SLC25A40: variants seen among roughly 807,000 people sequenced by gnomAD.
SLC25A40 encodes the protein mitochondrial glutathione transporter SLC25A40.
A neutral mutation model predicts 46.5 loss-of-function variants in SLC25A40; 41 were observed. That is an observed-to-expected ratio of 0.88 (90% CI 0.69 to 1.14). The LOEUF (loss-of-function observed/expected upper bound fraction) is 1.14, where lower values mean the gene tolerates loss of function less well. Among genes scored for constraint, SLC25A40 ranks in the 50% most tolerant of loss-of-function variants. SLC25A40 has a pLI of 0.00. For missense variants in SLC25A40, 386 were observed against 393.6 expected (o/e 0.98, Z 0.16); for synonymous variants, 126 against 127.5 (o/e 0.99, Z 0.08).
intron 10 of SLC25A40, among the ~76,000 whole-genome samples, chr7:87,839,650 T>C (rs1438081058): frequency 6.6e-6 from 1 of 151,750 alleles, no homozygotes; most frequent in Non-Finnish European, 1.5e-5. Context: ...TACTACATGC[T>C]AACGTGCTTC....
At chr7:87,838,670 TTTTTC>T (rs1361079121) in intron 10 of SLC25A40, among the ~76,000 whole-genome samples, 4 of 151,482 alleles carry the variant, frequency 2.6e-5, no homozygotes, top group Non-Finnish European at 5.9e-5. Context: ...TCATCTTTCT[TTTTTC>T]ATCTTTCTCA....
At chr7:87,836,541 A>T (rs1391151353) in intron 11 of SLC25A40, among the ~76,000 whole-genome samples, 180 bp from the exon 12 acceptor site, 1 of 151,480 alleles carries the variant, frequency 6.6e-6, no homozygotes, top group Non-Finnish European at 1.5e-5. Context: ...ATATTACATT[A>T]TAGAGAAATT....
chr7:87,841,781 C>A, intron 9 of SLC25A40, 67 bp from the exon 10 acceptor site: 2 of 883,158 alleles, frequency 2.3e-6, no homozygotes, highest in Non-Finnish European at 3.3e-6. Context: ...TTTTTACATT[C>A]TTCTTATTAG....
chr7:87,865,176 A>G (rs1390360428), intron 1 of SLC25A40, among the ~76,000 whole-genome samples: 3 of 152,036 alleles, frequency 2.0e-5, no homozygotes, highest in African/African-American at 7.2e-5. Flanking sequence ...TGTATCTACA[A>G]TAAGTTTTTC....
intron 9 of SLC25A40, chr7:87,841,969 A>G: frequency 2.7e-6 from 1 of 372,578 alleles, no homozygotes; most frequent in East Asian, 7.9e-5. Context: ...GCAGAGCCAC[A>G]ATTCCAACCA....
At chr7:87,868,638 G>A (rs981583473) in intron 1 of SLC25A40, among the ~76,000 whole-genome samples, 3 of 152,130 alleles carry the variant, frequency 2.0e-5, no homozygotes, top group Non-Finnish European at 4.4e-5. Context: ...AAATGATATC[G>A]CAAAGGGAAC....
chr7:87,852,255 T>C (rs958211785), intron 5 of SLC25A40, among the ~76,000 whole-genome samples: 5 of 152,020 alleles, frequency 3.3e-5, no homozygotes, highest in Non-Finnish European at 1.5e-5. Context: ...CAAAGGAACT[T>C]TGGGAATAGC....
chr7:87,857,413 C>G (rs929964718), intron 3 of SLC25A40, among the ~76,000 whole-genome samples: 1 of 152,178 alleles, frequency 6.6e-6, no homozygotes, highest in East Asian at 1.9e-4. Context: ...GTGTATTCAC[C>G]GTGAGAATGG....
intron 9 of SLC25A40, chr7:87,841,939 A>G (rs1437488891): frequency 1.8e-5 from 6 of 330,764 alleles, no homozygotes; most frequent in Non-Finnish European, 2.9e-5. Context: ...TACTTTCCTG[A>G]GGTCACACAG....
At chr7:87,874,240 G>A (rs926090168) in intron 1 of SLC25A40, among the ~76,000 whole-genome samples, 1 of 152,144 alleles carries the variant, frequency 6.6e-6, no homozygotes, top group Non-Finnish European at 1.5e-5. Flanking sequence ...CGCATAGGGT[G>A]CAACTATGTT....
In SLC25A40 at chr7:87,835,792, A is replaced by G. The variant is rs535042672; in HGVS notation, c.*457T>C. 6.6e-6 allele frequency: 1 copy of G among 152,482 alleles called. No homozygotes were observed. The highest frequency in any genetic ancestry group is 1.9e-4 in the East Asian group (1 of 5,196). 9.4% of individuals were successfully genotyped at this position (152,482 alleles called of 1,614,324 possible). On this transcript the variant is annotated 3_prime_UTR_variant, in exon 12 of 12. Coordinates refer to ENST00000341119, the MANE Select transcript of SLC25A40 (RefSeq NM_018843.4). ...TTGGTCGATGTAAACAATGCTATTT[A>G]ACGAGTGCTTTATCTACTTTACTGA... is the stretch of plus-strand genomic sequence containing the variant.
At chr7:87,851,744 C>T (rs1838514511) in intron 5 of SLC25A40, among the ~76,000 whole-genome samples, 1 of 152,212 alleles carries the variant, frequency 6.6e-6, no homozygotes, top group African/African-American at 2.4e-5. Context: ...GGAACCTGGA[C>T]TTCTAACGCT....
chr7:87,844,436 C>T (rs187703535), intron 8 of SLC25A40, among the ~76,000 whole-genome samples: 2 of 152,076 alleles, frequency 1.3e-5, no homozygotes, highest in Admixed American at 1.3e-4. Context: ...TGATAAAGAA[C>T]ATGCATCAAA....
intron 1 of SLC25A40, among the ~76,000 whole-genome samples, chr7:87,871,367 G>A (rs1482712210): frequency 6.6e-6 from 1 of 152,158 alleles, no homozygotes; most frequent in African/African-American, 2.4e-5. Context: ...ACAACCCCTA[G>A]TGAGCTTTAA....
chr7:87,833,852 C>T lies in SLC25A40; in HGVS notation c.*2397G>A, dbSNP rs559163056. Reference sequence around the variant, plus strand: ...CTCCACCCTTTGATAGGCCCCAGTACATGTTGTTCCAAGAGGGAAAAATTT... The same window carrying T: ...CTCCACCCTTTGATAGGCCCCAGTATATGTTGTTCCAAGAGGGAAAAATTT... On this transcript the variant is annotated 3_prime_UTR_variant, in exon 12 of 12. Transcript: ENST00000341119. The T allele has an allele frequency of 6.6e-6, 1 of 151,672 alleles. No homozygotes were observed. The highest frequency in any genetic ancestry group is 1.9e-4 in the East Asian group (1 of 5,160). 9.4% of individuals were successfully genotyped at this position (151,672 alleles called of 1,614,324 possible).
chr7:87,872,912 C>T (rs1200813861), intron 1 of SLC25A40, among the ~76,000 whole-genome samples: 1 of 152,206 alleles, frequency 6.6e-6, no homozygotes. Context: ...TTTCCCAGCC[C>T]ACAGTCACCT....
At chr7:87,853,364 A>C (rs945683037) in intron 5 of SLC25A40, among the ~76,000 whole-genome samples, 28 of 152,348 alleles carry the variant, frequency 1.8e-4, no homozygotes, top group African/African-American at 6.7e-4. Context: ...TGGATCAGTC[A>C]CACAGTGCTA....
In SLC25A40 at chr7:87,858,899, G is replaced by A. The variant is rs534300643; in HGVS notation, c.-24-148C>T. On this transcript the variant is annotated intron_variant, in intron 2 of 11. Coordinates refer to ENST00000341119, the MANE Select transcript of SLC25A40 (RefSeq NM_018843.4). Reference sequence around the variant, plus strand: ...ACAGATACTGACAGAATGAAAGCAGGTGACCACTAAGTCTGAGTCTGTGAA... The same window carrying A: ...ACAGATACTGACAGAATGAAAGCAGATGACCACTAAGTCTGAGTCTGTGAA... 177 of 602,302 alleles carry A rather than the reference G, an allele frequency of 2.9e-4. No individual in the cohort carries two copies. In the African/African-American group the frequency reaches 3.0e-3, roughly 10 times the overall value. The allele number at this position is 602,302 out of a possible 1,614,324, so 37.3% of individuals were successfully genotyped here. A position where few individuals can be genotyped will look rare whatever the true frequency, so the allele number is the denominator to read the frequency against.
At chr7:87,845,305 T>C (rs963539155) in intron 8 of SLC25A40, among the ~76,000 whole-genome samples, 2 of 152,088 alleles carry the variant, frequency 1.3e-5, no homozygotes, top group African/African-American at 4.8e-5. Flanking sequence ...GGGCTGAGGA[T>C]TGGTACTGGT....
Sources: allele counts gnomAD v4.1 joint callset (sites outside exome capture counted in the v4.1 genomes callset), GRCh38; gene constraint gnomAD v4.1.1; transcripts MANE v1.5; gene names NCBI Gene and HGNC (gene_info 2026-07-23, HGNC 2026-07-21).